Variants in NFIC observed in about 807,000 individuals in gnomAD.
NFIC encodes nuclear factor 1 C-type.
A neutral mutation model predicts 54.4 loss-of-function variants in NFIC; 12 were observed. The observed-to-expected ratio is 0.22, with a 90% confidence interval of 0.14 to 0.36. The LOEUF (loss-of-function observed/expected upper bound fraction) is 0.36. Among genes scored for constraint, NFIC ranks in the 10% least tolerant of loss-of-function variants. The pLI, the probability that NFIC is intolerant of heterozygous loss-of-function variation, is 1.00. For synonymous variants in NFIC, 322 were observed against 319.2 expected, an observed-to-expected ratio of 1.01 and a Z score of -0.09; for missense variants, 575 against 718.2, an observed-to-expected ratio of 0.80 and a Z score of 2.28.
intron 2 of NFIC, among the ~76,000 whole-genome samples, chr19:3,417,651 A>G (rs1599650287): frequency 2.5e-5 from 3 of 120,318 alleles, no homozygotes; most frequent in African/African-American, 6.7e-5. Flanking sequence ...TTTGAGATGG[A>G]GTCTCGCTCT....
chr19:3,400,694 T>C (rs986457774), intron 2 of NFIC, among the ~76,000 whole-genome samples: 2 of 151,664 alleles, frequency 1.3e-5, no homozygotes, highest in Non-Finnish European at 2.9e-5. Flanking sequence ...TACAAAACAT[T>C]AGCCAGGCAT....
At position 3,369,380 on chromosome 19, in the gene NFIC, C is replaced by G. The variant is rs891490666; in HGVS notation, c.30+2714C>G. ...TCTCTGCATGTGTCTCCTTACTCCT[C>G]TCTCTCTGTCTCTCTCTGTCTCTGG... On this transcript the variant is annotated intron_variant, in intron 1 of 10. Coordinates refer to ENST00000443272, the MANE Select transcript of NFIC (RefSeq NM_001245002.2). This position sits in a 1 kb window ranked among gnomAD's most constrained non-coding sequence, Gnocchi z 4.3. 4.6e-5 allele frequency among the ~76,000 whole-genome samples: 7 copies of G among 152,090 alleles called. No homozygotes were observed. The highest frequency in any genetic ancestry group is 1.7e-4 in the African/African-American group (7 of 41,410).
intron 2 of NFIC, among the ~76,000 whole-genome samples, chr19:3,387,704 G>A (rs1432380678): frequency 1.3e-5 from 2 of 151,890 alleles, no homozygotes; most frequent in Non-Finnish European, 1.5e-5. Context: ...CAGTGCGAAG[G>A]CCTGGAGCCC....
intron 2 of NFIC, among the ~76,000 whole-genome samples, chr19:3,394,519 A>ACCCCCCCCC (rs138210089): frequency 2.1e-5 from 1 of 47,308 alleles, no homozygotes; most frequent in Non-Finnish European, 3.4e-5. Context: ...TCTTTTCCCC[A>ACCCCCCCCC]CCCACCCCCC....
upstream of NFIC, chr19:3,366,450 G>T (rs1477945927): frequency 4.0e-6 from 2 of 501,854 alleles, no homozygotes; most frequent in East Asian, 3.6e-5. Flanking sequence ...AGAGCGAGGC[G>T]GGCGGCGCGA....
chr19:3,366,556 C>CGGGGGGGGGGGTGGGGGGGGGGGG, upstream of NFIC: 1 of 490,740 alleles, frequency 2.0e-6, no homozygotes. Context: ...TTGGGGGGGG[C>CGGGGGGGGGGGTGGGGGGGGGGGG]GGGGGGGTGG....
chr19:3,364,894 C>T (rs930839017), upstream of NFIC, among the ~76,000 whole-genome samples: 2 of 152,134 alleles, frequency 1.3e-5, no homozygotes, highest in Non-Finnish European at 2.9e-5. Flanking sequence ...AATTGCTTCA[C>T]GTTATATTGG....
intron 2 of NFIC, among the ~76,000 whole-genome samples, chr19:3,406,956 G>A (rs2081659519): frequency 6.8e-6 from 1 of 147,012 alleles, no homozygotes; most frequent in South Asian, 2.3e-4. Flanking sequence ...TGCATTGGTG[G>A]AACAGCCAGG....
chr19:3,417,953 C>G (rs1173981342), intron 2 of NFIC, among the ~76,000 whole-genome samples: 1 of 151,972 alleles, frequency 6.6e-6, no homozygotes, highest in Non-Finnish European at 1.5e-5. Flanking sequence ...TGGAAGCAGC[C>G]AGGGCCACAC....
At position 3,435,216 on chromosome 19, in the gene NFIC, G is replaced by T. The variant is rs2082180685; in HGVS notation, c.958+9G>T. On this transcript the variant is annotated intron_variant, in intron 6 of 10. Coordinates refer to ENST00000443272, the MANE Select transcript of NFIC (RefSeq NM_001245002.2). ...GGAGGACATGGAAGGAGGTAGGGCT[G>T]GTGGCGGGGGCGGAGCCGGCCTTCC... 1 of 1,571,806 alleles carries T rather than the reference G, an allele frequency of 6.4e-7. No homozygotes were observed. Among genetic ancestry groups the T allele is most frequent in the East Asian group, 2.3e-5 (1 of 42,708 alleles).
intron 10 of NFIC, among the ~76,000 whole-genome samples, chr19:3,460,494 A>T (rs2082622947): frequency 1.3e-5 from 2 of 150,624 alleles, no homozygotes; most frequent in African/African-American, 4.9e-5. Flanking sequence ...AAAGAGGAGA[A>T]TTTTTTTTTG....
chr19:3,363,269 A>T (rs58204423), upstream of NFIC, among the ~76,000 whole-genome samples: 4,934 of 36,302 alleles, frequency 0.14, 661 homozygotes, highest in African/African-American at 0.17. Context: ...ATATATATAT[A>T]TTTTTTTTTT....
intron 1 of NFIC, among the ~76,000 whole-genome samples, chr19:3,376,307 G>T (rs1275312503): frequency 1.3e-5 from 2 of 150,758 alleles, no homozygotes; most frequent in African/African-American, 4.9e-5. Context: ...GGCGCACCTG[G>T]AATCCCAGCT....
At chr19:3,444,549 G>A (rs8107689) in intron 6 of NFIC, among the ~76,000 whole-genome samples, 75,178 of 152,104 alleles carry the variant, frequency 0.49, 21,633 homozygotes, top group Non-Finnish European at 0.65. Context: ...TGCCGGGAGC[G>A]TGCCGGCTTA....
rs1457583368 is a variant in NFIC at position 3,453,928 on chromosome 19, G to C, written c.1423+12G>C. 2.0e-6 allele frequency: 3 copies of C among 1,521,994 alleles called. No individual in the cohort carries two copies. In the East Asian group the frequency reaches 7.6e-5, roughly 39 times the overall value. The allele number at this position is 1,521,994 out of a possible 1,614,324, so 94.3% of individuals were successfully genotyped here. Reference sequence around the variant, plus strand: ...GCCGACCTCGCCTTGTAAGCACGCGGGAAGCGGTGCCCTGGTGGGGCGGAT... The same window carrying C: ...GCCGACCTCGCCTTGTAAGCACGCGCGAAGCGGTGCCCTGGTGGGGCGGAT... On this transcript the variant is annotated intron_variant, in intron 9 of 10. Coordinates refer to ENST00000443272, the MANE Select transcript of NFIC (RefSeq NM_001245002.2). The surrounding 1 kb of genome is among the most constrained non-coding windows in gnomAD (Gnocchi z 6.7).
intron 1 of NFIC, among the ~76,000 whole-genome samples, chr19:3,367,471 G>A (rs1442233643): frequency 1.4e-5 from 2 of 140,010 alleles, no homozygotes; most frequent in East Asian, 4.3e-4. Context: ...CACCTGCCCC[G>A]TCCCCTCCCC....
intron 7 of NFIC, among the ~76,000 whole-genome samples, chr19:3,450,150 C>T (rs1232250150): frequency 6.6e-6 from 1 of 151,288 alleles, no homozygotes; most frequent in Admixed American, 6.6e-5. Flanking sequence ...TTGAGACCAT[C>T]CTGGCTAACA....
At position 3,464,780 on chromosome 19, in the gene NFIC, C is replaced by A; in HGVS notation, c.*2011C>A. On this transcript the variant is annotated 3_prime_UTR_variant, in exon 11 of 11. Coordinates refer to ENST00000443272, the MANE Select transcript of NFIC (RefSeq NM_001245002.2). The stretch of plus-strand genomic sequence containing the variant: ...CCAAGAGAGGTTCGCCATCCTCTGG[C>A]CTCGAGCCCTTGGTCCCTCCGTCCG... The A allele has an allele frequency of 2.2e-6, 2 of 910,232 alleles. No individual in the cohort carries two copies. Among genetic ancestry groups the A allele is most frequent in the South Asian group, 5.0e-5 (1 of 19,894 alleles). 56.4% of individuals were successfully genotyped at this position (910,232 alleles called of 1,614,324 possible).
intron 7 of NFIC, among the ~76,000 whole-genome samples, chr19:3,450,344 CAA>C (rs756068500): frequency 1.5e-5 from 1 of 66,086 alleles, no homozygotes; most frequent in African/African-American, 8.0e-5. Context: ...GACTCCATCT[CAA>C]AAAAAAAAAA....
Sources: allele counts gnomAD v4.1 joint callset (sites outside exome capture counted in the v4.1 genomes callset), GRCh38; gene constraint gnomAD v4.1.1; non-coding constraint Gnocchi (gnomAD v3.1); transcripts MANE v1.5; gene names NCBI Gene and HGNC (gene_info 2026-07-23, HGNC 2026-07-21).